The following CCN1 variants were observed in gnomAD, a reference collection of about 807,000 sequenced individuals.
CCN1 encodes CCN family member 1.
In CCN1, 12 loss-of-function variants were observed where a neutral mutation model predicts 38.1. The ratio of observed to expected loss-of-function variants is 0.31; its 90% CI spans 0.20 to 0.51. CCN1 has a LOEUF of 0.51. CCN1 is among the 20% of genes least tolerant of loss of function. The probability of loss-of-function intolerance (pLI) is 0.97; values close to 1 mark genes in which losing one functional copy is unlikely to be tolerated. For missense variants in CCN1, 466 were observed against 490.9 expected, an observed-to-expected ratio of 0.95 and a Z score of 0.48; for synonymous variants, 202 against 196.1, an observed-to-expected ratio of 1.03 and a Z score of -0.25.
At position 85,580,806 on chromosome 1, in the gene CCN1, G is replaced by A. The variant is rs1380771541; in HGVS notation, c.-179G>A. The A allele has an allele frequency of 2.1e-6, 1 of 466,828 alleles. No homozygotes were observed. Among genetic ancestry groups the A allele is most frequent in the Non-Finnish European group, 3.5e-6 (1 of 288,524 alleles). 28.9% of individuals were successfully genotyped at this position (466,828 alleles called of 1,614,324 possible). On this transcript the variant is annotated 5_prime_UTR_variant, in exon 1 of 5. Coordinates refer to ENST00000451137, the MANE Select transcript of CCN1 (RefSeq NM_001554.5). ...CCCGAGCAGCGCCCGCGCCCTCCGC[G>A]CCTTCTCCGCCGGGACCTCGAGCGA...
In CCN1 at chr1:85,583,069, C is replaced by G. The variant is rs768622009; in HGVS notation, c.*27C>G. The G allele has an allele frequency of 6.3e-7, 1 of 1,592,576 alleles. No individual in the cohort carries two copies. Among genetic ancestry groups the G allele is most frequent in the South Asian group, 1.1e-5 (1 of 88,778 alleles). The stretch of plus-strand genomic sequence containing the variant: ...TGCTACCTGGGTTTCCAGGGCACAC[C>G]TAGACAAACAAGGGAGAAGAGTGTC... On this transcript the variant is annotated 3_prime_UTR_variant, in exon 5 of 5. Coordinates refer to ENST00000451137, the MANE Select transcript of CCN1 (RefSeq NM_001554.5).
rs772560592 is a variant in CCN1 at position 85,582,556 on chromosome 1, C to T, written c.775C>T (p.Arg259Cys). 1 of 1,614,120 alleles carries T rather than the reference C, an allele frequency of 6.2e-7. No homozygotes were observed. The highest frequency in any genetic ancestry group is 2.2e-5 in the East Asian group (1 of 44,868). ...TRVTNDNPEC[R>C]LVKETRICEV... ...AGTTACCAATGACAACCCTGAGTGC[C>T]GCCTTGTGAAAGAAACCCGGATTTG... Residue 259 changes from arginine (R) to cysteine (C), a missense_variant, in exon 4 of 5, where the codon CGC (arginine) becomes TGC (cysteine). Coordinates refer to ENST00000451137, the MANE Select transcript of CCN1 (RefSeq NM_001554.5).
In CCN1 at chr1:85,580,803, C is replaced by T; in HGVS notation, c.-182C>T. 2 of 461,998 alleles carry T rather than the reference C, an allele frequency of 4.3e-6. No homozygotes were observed. The highest frequency in any genetic ancestry group is 7.0e-6 in the Non-Finnish European group (2 of 284,154). The allele number at this position is 461,998 out of a possible 1,614,324, so 28.6% of individuals were successfully genotyped here. A position where few individuals can be genotyped will look rare whatever the true frequency, so the allele number is the denominator to read the frequency against. The stretch of plus-strand genomic sequence containing the variant: ...GCCCCCGAGCAGCGCCCGCGCCCTC[C>T]GCGCCTTCTCCGCCGGGACCTCGAG... On this transcript the variant is annotated 5_prime_UTR_variant, in exon 1 of 5. Coordinates refer to ENST00000451137, the MANE Select transcript of CCN1 (RefSeq NM_001554.5).
chr1:85,582,479 C>T lies in CCN1; in HGVS notation c.698C>T (p.Thr233Ile). Residue 233 changes from threonine to isoleucine, a missense_variant, in exon 4 of 5, where the codon ACA (threonine) becomes ATA (isoleucine). Physicochemically the swap from Thr to Ile is moderately conservative, Grantham distance 89 (BLOSUM62 -1). Coordinates refer to ENST00000451137, the MANE Select transcript of CCN1 (RefSeq NM_001554.5). ...PLQGQKCIVQ[T>I]TSWSQCSKTC... ...CAAGGCCAGAAATGTATTGTTCAAA[C>T]AACTTCATGGTCCCAGTGCTCAAAG... 1 of 1,614,156 alleles carries T rather than the reference C, an allele frequency of 6.2e-7. No homozygotes were observed. Among genetic ancestry groups the T allele is most frequent in the Non-Finnish European group, 8.5e-7 (1 of 1,180,032 alleles).
chr1:85,583,189 G>T lies in CCN1; in HGVS notation c.*147G>T. ...TTGCTCATTCTTGAGGAGCATTAAG[G>T]TATTTCGAAACTGCCAAGGGTGCTG... is the stretch of plus-strand genomic sequence containing the variant. On this transcript the variant is annotated 3_prime_UTR_variant, in exon 5 of 5. Coordinates refer to ENST00000451137, the MANE Select transcript of CCN1 (RefSeq NM_001554.5). The T allele has an allele frequency of 1.1e-6, 1 of 895,270 alleles. No homozygotes were observed. The allele number at this position is 895,270 out of a possible 1,614,324, so 55.5% of individuals were successfully genotyped here.
rs765129171 is a variant in CCN1, at chr1:85,582,727, C to G, written c.844-13C>G. 3.7e-6 allele frequency: 6 copies of G among 1,612,798 alleles called. No homozygotes were observed. The highest frequency in any genetic ancestry group is 5.1e-6 in the Non-Finnish European group (6 of 1,178,914). On this transcript the variant is annotated splice_polypyrimidine_tract_variant and intron_variant, in intron 4 of 4. Transcript: ENST00000451137. ...TATCACCCCTAACTTTCCTTCTCTC[C>G]TTTCTCTTACAGAAGGGCAAGAAAT...
chr1:85,581,354 C>T lies in CCN1; in HGVS notation c.64-11C>T. ...GCGCCGAGTCTCACGCGTATCTTCT[C>T]CCCCTTCCAGGCGCTCTCCACCTGC... On this transcript the variant is annotated splice_polypyrimidine_tract_variant and intron_variant, in intron 1 of 4. Coordinates refer to ENST00000451137, the MANE Select transcript of CCN1 (RefSeq NM_001554.5). 1 of 1,567,794 alleles carries T rather than the reference C, an allele frequency of 6.4e-7. No individual in the cohort carries two copies. The highest frequency in any genetic ancestry group is 8.6e-7 in the Non-Finnish European group (1 of 1,158,830).
At chr1:85,581,781 A>T in intron 2 of CCN1, 147 bp from the exon 3 acceptor site, 1 of 1,105,386 alleles carries the variant, frequency 9.0e-7, no homozygotes, top group Non-Finnish European at 1.3e-6. Context: ...TGACTAACTT[A>T]TTGTTCTGGT....
Position 85,583,135 on chromosome 1 carries a change from G to T in CCN1, c.*93G>T, listed in dbSNP as rs112064164. The T allele has an allele frequency of 2.4e-4, 320 of 1,315,980 alleles. No homozygotes were observed. In the African/African-American group the frequency reaches 3.7e-3, roughly 15 times the overall value. 81.5% of individuals were successfully genotyped at this position (1,315,980 alleles called of 1,614,324 possible). A position where few individuals can be genotyped will look rare whatever the true frequency, so the allele number is the denominator to read the frequency against. ...GAGAAAATGGGCGGGGGTGGTGTGG[G>T]TGATGGGACTCATTGTAGAAAGGAA... On this transcript the variant is annotated 3_prime_UTR_variant, in exon 5 of 5. Coordinates refer to ENST00000451137, the MANE Select transcript of CCN1 (RefSeq NM_001554.5).
At position 85,582,966 on chromosome 1, in the gene CCN1, A is replaced by G. The variant is rs1659823689; in HGVS notation, c.1070A>G (p.Tyr357Cys). ...VMMIQSCKCN[Y>C]NCPHANEAAF... ...ATGATCCAGTCCTGCAAATGCAACT[A>G]CAACTGCCCGCATGCCAATGAAGCA... Residue 357 changes from tyrosine (Y) to cysteine (C), a missense_variant, in exon 5 of 5, where the codon TAC becomes TGC. By Grantham distance (194) the Tyr-to-Cys change is radical. Coordinates refer to ENST00000451137, the MANE Select transcript of CCN1 (RefSeq NM_001554.5). The G allele has an allele frequency of 6.2e-7, 1 of 1,614,112 alleles. No individual in the cohort carries two copies. Among genetic ancestry groups the G allele is most frequent in the African/African-American group, 1.3e-5 (1 of 74,946 alleles).
At position 85,582,921 on chromosome 1, in the gene CCN1, C is replaced by T. The variant is rs1570695695; in HGVS notation, c.1025C>T (p.Thr342Ile). The change falls in exon 5 of 5, where the codon ACA (threonine) becomes ATA (isoleucine). Residue 342 changes from threonine (T) to isoleucine (I), a missense_variant. Thr to Ile is a moderately conservative substitution (Grantham distance 89). Coordinates refer to ENST00000451137, the MANE Select transcript of CCN1 (RefSeq NM_001554.5). ...KMRFRCEDGE[T>I]FSKNVMMIQS... ...CGGTTCCGCTGCGAAGATGGGGAGACATTTTCCAAGAACGTCATGATGATC... is the reference window on the plus strand; with the variant it reads ...CGGTTCCGCTGCGAAGATGGGGAGATATTTTCCAAGAACGTCATGATGATC... 1.9e-6 allele frequency: 3 copies of T among 1,614,226 alleles called. No homozygotes were observed. The highest frequency in any genetic ancestry group is 2.5e-6 in the Non-Finnish European group (3 of 1,180,048).
rs763798537 is a variant in CCN1, at chr1:85,582,958, A to G, written c.1062A>G (p.Lys354=). The part of the protein sequence containing the change: ...SKNVMMIQSC[K]CNYNCPHANE... Reference sequence around the variant, plus strand: ...ACGTCATGATGATCCAGTCCTGCAAATGCAACTACAACTGCCCGCATGCCA... The same window carrying G: ...ACGTCATGATGATCCAGTCCTGCAAGTGCAACTACAACTGCCCGCATGCCA... Residue 354 remains lysine, a synonymous_variant, in exon 5 of 5, where the codon AAA becomes AAG. Transcript: ENST00000451137. The G allele has an allele frequency of 6.2e-7, 1 of 1,614,188 alleles. No individual in the cohort carries two copies. The highest frequency in any genetic ancestry group is 8.5e-7 in the Non-Finnish European group (1 of 1,180,028).
intron 2 of CCN1, 60 bp from the exon 3 acceptor site, chr1:85,581,868 C>T: frequency 6.7e-7 from 1 of 1,503,452 alleles, no homozygotes; most frequent in Admixed American, 1.7e-5. Context: ...GAGTTTCAGG[C>T]GGTGGTTTGG....
At position 85,582,189 on chromosome 1, in the gene CCN1, G is replaced by T. The variant is rs1260438585; in HGVS notation, c.539G>T (p.Gly180Val). 2 of 1,614,182 alleles carry T rather than the reference G, an allele frequency of 1.2e-6. No individual in the cohort carries two copies. Among genetic ancestry groups the T allele is most frequent in the Non-Finnish European group, 8.5e-7 (1 of 1,180,044 alleles). The stretch of plus-strand genomic sequence containing the variant: ...ATGGAGGACCAGGACGGCCTCCTTG[G>T]CAAGGAGCTGGGATTCGATGCCTCC... ...DPMEDQDGLL[G>V]KELGFDASEV... is the part of the protein sequence containing the mutation. Residue 180 changes from glycine (G) to valine (V), a missense_variant, in exon 3 of 5, where the codon GGC becomes GTC. Physicochemically the swap from Gly to Val is moderately radical, Grantham distance 109 (BLOSUM62 -3). Coordinates refer to ENST00000451137, the MANE Select transcript of CCN1 (RefSeq NM_001554.5).
rs1219892897 is a variant in CCN1 at position 85,583,240 on chromosome 1, C to T, written c.*198C>T. 4 of 600,968 alleles carry T rather than the reference C, an allele frequency of 6.7e-6. No homozygotes were observed. The African/African-American group carries it at 7.4e-5, about 11-fold the overall frequency. 37.2% of individuals were successfully genotyped at this position (600,968 alleles called of 1,614,324 possible). A position where few individuals can be genotyped will look rare whatever the true frequency, so the allele number is the denominator to read the frequency against. On this transcript the variant is annotated 3_prime_UTR_variant, in exon 5 of 5. Coordinates refer to ENST00000451137, the MANE Select transcript of CCN1 (RefSeq NM_001554.5). ...GTGCGGATGGACACTAATGCAGCCA[C>T]GATTGGAGAATACTTTGCTTCATAG... is the stretch of plus-strand genomic sequence containing the variant.
Position 85,581,011 on chromosome 1 carries a change from C to T in CCN1, c.27C>T (p.Leu9=). Residue 9 remains leucine (L), a synonymous_variant, in exon 1 of 5, where the codon CTC becomes CTT. Coordinates refer to ENST00000451137, the MANE Select transcript of CCN1 (RefSeq NM_001554.5). MSSRIARA[L]ALVVTLLHLT... is the part of the protein sequence containing the mutation. ...TGAGCTCCCGCATCGCCAGGGCGCT[C>T]GCCTTAGTCGTCACCCTTCTCCACT... 1 of 1,608,418 alleles carries T rather than the reference C, an allele frequency of 6.2e-7. No individual in the cohort carries two copies. The highest frequency in any genetic ancestry group is 8.5e-7 in the Non-Finnish European group (1 of 1,178,018).
Position 85,580,929 on chromosome 1 carries a change from C to A in CCN1, c.-56C>A. The A allele has an allele frequency of 2.7e-6, 4 of 1,502,338 alleles. No homozygotes were observed. The highest frequency in any genetic ancestry group is 3.5e-6 in the Non-Finnish European group (4 of 1,128,678). 93.1% of individuals were successfully genotyped at this position (1,502,338 alleles called of 1,614,324 possible). A position where few individuals can be genotyped will look rare whatever the true frequency, so the allele number is the denominator to read the frequency against. On this transcript the variant is annotated 5_prime_UTR_variant, in exon 1 of 5. Transcript: ENST00000451137. ...TGCGCACGGCCTGTCCGCTGCACAC[C>A]AGCTTGTTGGCGTCTTCGTCGCCGC...
chr1:85,581,260 G>A, intron 1 of CCN1, 105 bp from the exon 2 acceptor site: 1 of 1,291,868 alleles, frequency 7.7e-7, no homozygotes, highest in Non-Finnish European at 1.0e-6. Flanking sequence ...GAGATCAGAG[G>A]CTCCCCGTCG....
chr1:85,581,844 C>A, intron 2 of CCN1, 84 bp from the exon 3 acceptor site: 1 of 1,392,202 alleles, frequency 7.2e-7, no homozygotes, highest in Non-Finnish European at 1.0e-6. Flanking sequence ...AATTTAACAG[C>A]AGAAAATATG....
Sources: gnomAD v4.1 joint callset for allele counts on GRCh38, gnomAD v4.1.1 for gene constraint, MANE v1.5 for transcripts, NCBI Gene and HGNC (gene_info 2026-07-23, HGNC 2026-07-21) for gene names.